The following TK2 variants were observed in gnomAD, a reference collection of about 807,000 sequenced individuals.
The protein encoded by TK2 is thymidine kinase 2, also known as thymidine kinase 2, mitochondrial.
TK2 carries 35 observed loss-of-function variants against 41.9 expected under a neutral mutation model. The observed-to-expected ratio is 0.84, with a 90% CI of 0.64 to 1.11. The LOEUF (loss-of-function observed/expected upper bound fraction) is 1.11. TK2 is among the 50% of genes least tolerant of loss of function. TK2 has a pLI of 0.00. For synonymous variants in TK2, 128 were observed against 129.1 expected (o/e 0.99, Z 0.06); for missense variants, 320 against 351.1 (o/e 0.91, Z 0.71).
intron 8 of TK2, among the ~76,000 whole-genome samples, chr16:66,515,894 G>A (rs1443341305): frequency 1.3e-5 from 2 of 152,186 alleles, no homozygotes; most frequent in Non-Finnish European, 2.9e-5. Flanking sequence ...GAGTTGGATA[G>A]GCTTCCCAGG....
In TK2 at chr16:66,517,858, C is replaced by T. The variant is rs374777494; in HGVS notation, c.469G>A (p.Asp157Asn). Residue 157 changes from aspartate (D) to asparagine (N), a missense_variant, in exon 7 of 10, where the codon GAC becomes AAC. By Grantham distance (23) the Asp-to-Asn change is conservative (BLOSUM62 1). Transcript: ENST00000544898. This position sits in a 1 kb window ranked among gnomAD's most constrained non-coding sequence, Gnocchi z 4.3. ...LYRSGKMPEV[D>N]YVVLSEWFDW... ...AACCATTCCGACAGAACTACATAGT[C>T]CACTTCTGGCATCTTCCCACTGCAA... 8 of 1,614,048 alleles carry T rather than the reference C, an allele frequency of 5.0e-6. No homozygotes were observed. Among genetic ancestry groups the T allele is most frequent in the African/African-American group, 1.3e-5 (1 of 74,920 alleles).
chr16:66,517,001 G>T lies in TK2; in HGVS notation c.618+135C>A. 1 of 837,592 alleles carries T rather than the reference G, an allele frequency of 1.2e-6. No individual in the cohort carries two copies. The highest frequency in any genetic ancestry group is 2.1e-6 in the Non-Finnish European group (1 of 480,326). The allele number at this position is 837,592 out of a possible 1,614,324, so 51.9% of individuals were successfully genotyped here. A position where few individuals can be genotyped will look rare whatever the true frequency, so the allele number is the denominator to read the frequency against. On this transcript the variant is annotated intron_variant, in intron 8 of 9. Coordinates refer to ENST00000544898, the MANE Select transcript of TK2 (RefSeq NM_004614.5). The surrounding 1 kb of genome is among the most constrained non-coding windows in gnomAD (Gnocchi z 4.3). ...AACAGGAAGTCAGAGTTCACCCTCT[G>T]ATACACTTGGTTCCTGTTCTCTCTC...
chr16:66,534,173 C>A (rs1965208183), intron 4 of TK2, among the ~76,000 whole-genome samples: 1 of 151,934 alleles, frequency 6.6e-6, no homozygotes, highest in East Asian at 1.9e-4. Flanking sequence ...CATGTGACAC[C>A]CTGTACCACC....
intron 2 of TK2, among the ~76,000 whole-genome samples, chr16:66,547,318 T>C (rs1199250407): frequency 6.6e-6 from 1 of 152,112 alleles, no homozygotes; most frequent in African/African-American, 2.4e-5. Context: ...AGTTAGGCCC[T>C]CCACTCATGG....
chr16:66,540,159 T>A (rs1229809419), intron 3 of TK2, among the ~76,000 whole-genome samples: 1 of 149,656 alleles, frequency 6.7e-6, no homozygotes, highest in Non-Finnish European at 1.5e-5. Flanking sequence ...ATTTCTTTTC[T>A]TTCTTTCTTT....
intron 2 of TK2, among the ~76,000 whole-genome samples, chr16:66,545,666 A>C (rs1179170510): frequency 6.6e-6 from 1 of 152,168 alleles, no homozygotes; most frequent in Non-Finnish European, 1.5e-5. Flanking sequence ...TCTACTAAAA[A>C]TACAAAAATT....
chr16:66,511,964 C>T lies in TK2; in HGVS notation c.*4G>A. ...TCAGACATGAGCCATAGACCTTTTG[C>T]CTCCTATGGGCAATGCTTCCGATTC... On this transcript the variant is annotated 3_prime_UTR_variant, in exon 10 of 10. Transcript: ENST00000544898. 4.3e-6 allele frequency: 7 copies of T among 1,613,876 alleles called. No homozygotes were observed. The highest frequency in any genetic ancestry group is 5.9e-6 in the Non-Finnish European group (7 of 1,179,754).
chr16:66,512,106 T>G, intron 9 of TK2, 40 bp from the exon 10 acceptor site: 1 of 1,541,990 alleles, frequency 6.5e-7, no homozygotes, highest in Non-Finnish European at 9.0e-7. Flanking sequence ...TGCACTGACC[T>G]CAGCAGCATC....
At chr16:66,523,962 C>T (rs1489350789) in intron 6 of TK2, among the ~76,000 whole-genome samples, 2 of 152,362 alleles carry the variant, frequency 1.3e-5, no homozygotes, top group Non-Finnish European at 2.9e-5. Flanking sequence ...TCTTCCTTCC[C>T]TTTATCCCTT....
At chr16:66,543,226 A>T (rs7196467) in intron 2 of TK2, among the ~76,000 whole-genome samples, 20,112 of 152,202 alleles carry the variant, frequency 0.13, 2,445 homozygotes, top group African/African-American at 0.31. Context: ...GCAGGCAAGG[A>T]TGGGAACCAC....
Position 66,550,089 on chromosome 16 carries a change from G to T in TK2, c.-28C>A. 1 of 1,604,482 alleles carries T rather than the reference G, an allele frequency of 6.2e-7. No homozygotes were observed. The highest frequency in any genetic ancestry group is 1.7e-5 in the Admixed American group (1 of 58,394). ...CCGGGCGAGCGGATCCAGAGGCCCG[G>T]GGTTCCTTCTTGTGCGAGTCGGCGC... On this transcript the variant is annotated 5_prime_UTR_variant, in exon 1 of 10. Transcript: ENST00000544898.
At chr16:66,542,892 G>A (rs1255762358) in intron 2 of TK2, among the ~76,000 whole-genome samples, 1 of 151,970 alleles carries the variant, frequency 6.6e-6, no homozygotes, top group African/African-American at 2.4e-5. Context: ...TTTTCTTTGA[G>A]ACAGAGTTTC....
At chr16:66,529,440 G>A (rs779965566) in intron 5 of TK2, among the ~76,000 whole-genome samples, 1 of 152,250 alleles carries the variant, frequency 6.6e-6, no homozygotes, top group Non-Finnish European at 1.5e-5. Flanking sequence ...AACATGTGGT[G>A]ACTACCACGG....
chr16:66,546,451 C>T (rs1265123463), intron 2 of TK2: 3 of 152,172 alleles, frequency 2.0e-5, no homozygotes, highest in Non-Finnish European at 4.4e-5. Context: ...TACCCCATCA[C>T]ACCACAAACT....
intron 5 of TK2, 128 bp downstream of exon 5, chr16:66,531,248 CCACA>C (rs1965101902): frequency 3.4e-6 from 3 of 878,770 alleles, no homozygotes; most frequent in Non-Finnish European, 5.6e-6. Context: ...GACCTTGGCC[CCACA>C]CAGAGAGGCC....
intron 3 of TK2, among the ~76,000 whole-genome samples, chr16:66,538,064 G>A (rs1965340964): frequency 6.6e-6 from 1 of 152,162 alleles, no homozygotes; most frequent in Admixed American, 6.5e-5. Flanking sequence ...TCGGGAGGCT[G>A]AGGCAGGAGA....
intron 2 of TK2, among the ~76,000 whole-genome samples, chr16:66,542,286 T>C (rs751785908): frequency 1.1e-4 from 16 of 152,104 alleles, no homozygotes; most frequent in Non-Finnish European, 2.1e-4. Flanking sequence ...TAGGCCTAAG[T>C]GTCCTGCCTC....
Position 66,517,402 on chromosome 16 carries a change from G to C in TK2, c.539-187C>G. On this transcript the variant is annotated intron_variant, in intron 7 of 9. Transcript: ENST00000544898. This position sits in a 1 kb window ranked among gnomAD's most constrained non-coding sequence, Gnocchi z 4.3. ...TCTTTCAGTGTCAGCGGCCCCGTGG[G>C]GTCGTTTTGAGGCTGAATGGGATTC... The C allele has an allele frequency of 1.5e-6, 1 of 678,106 alleles. No individual in the cohort carries two copies. Among genetic ancestry groups the C allele is most frequent in the Non-Finnish European group, 2.7e-6 (1 of 375,474 alleles). 42.0% of individuals were successfully genotyped at this position (678,106 alleles called of 1,614,324 possible).
At chr16:66,515,781 T>C (rs796512647) in intron 8 of TK2, among the ~76,000 whole-genome samples, 7 of 152,284 alleles carry the variant, frequency 4.6e-5, no homozygotes, top group African/African-American at 1.7e-4. Context: ...AGCATTCTTG[T>C]CTCCAAGATT....
Sources: allele counts gnomAD v4.1 joint callset (sites outside exome capture counted in the v4.1 genomes callset), GRCh38; gene constraint gnomAD v4.1.1; non-coding constraint Gnocchi (gnomAD v3.1); transcripts MANE v1.5; gene names NCBI Gene and HGNC (gene_info 2026-07-23, HGNC 2026-07-21).